FHIP2B: variants seen among roughly 807,000 people sequenced by gnomAD.
The protein encoded by FHIP2B is FHF complex subunit HOOK-interacting protein 2B.
In FHIP2B, 72 loss-of-function variants were observed where a neutral mutation model predicts 84.0. The ratio of observed to expected loss-of-function variants is 0.86; its 90% CI spans 0.71 to 1.04. FHIP2B has a LOEUF of 1.04. Among genes scored for constraint, FHIP2B ranks in the 50% least tolerant of loss-of-function variants. The pLI is 0.00. For missense variants in FHIP2B, 972 were observed against 968.9 expected, an observed-to-expected ratio of 1.00 and a Z score of -0.04; for synonymous variants, 497 against 418.7, an observed-to-expected ratio of 1.19 and a Z score of -2.28.
In FHIP2B at chr8:22,089,161, C is replaced by A. The variant is rs1825319199; in HGVS notation, c.-93C>A. 2.4e-6 allele frequency: 2 copies of A among 831,024 alleles called. No individual in the cohort carries two copies. The highest frequency in any genetic ancestry group is 5.5e-5 in the South Asian group (1 of 18,206). The allele number at this position is 831,024 out of a possible 1,614,324, so 51.5% of individuals were successfully genotyped here. A position where few individuals can be genotyped will look rare whatever the true frequency, so the allele number is the denominator to read the frequency against. On this transcript the variant is annotated 5_prime_UTR_variant, in exon 1 of 17. Transcript: ENST00000289921. ...AGCGGCCGGGCCCCGCCCCCCTCGT[C>A]GCGCCGGGGCCGCCGGGGCCACGGG...
chr8:22,100,782 C>T (rs1420580539), intron 11 of FHIP2B, 43 bp downstream of exon 11: 5 of 1,611,018 alleles, frequency 3.1e-6, no homozygotes, highest in East Asian at 2.2e-5. Flanking sequence ...CAGCCCTTAG[C>T]ACTCGCACGC....
Position 22,100,038 on chromosome 8 carries a change from A to G in FHIP2B, c.1341+145A>G, listed in dbSNP as rs1170807323. 3.9e-6 allele frequency: 3 copies of G among 778,192 alleles called. No individual in the cohort carries two copies. The African/African-American group carries it at 5.6e-5, about 14-fold the overall frequency. 48.2% of individuals were successfully genotyped at this position (778,192 alleles called of 1,614,324 possible). A position where few individuals can be genotyped will look rare whatever the true frequency, so the allele number is the denominator to read the frequency against. The stretch of plus-strand genomic sequence containing the variant: ...AAAACACTGCCGAGCCACTTTTATC[A>G]CACACTAATTTTCTATGATCATATA... On this transcript the variant is annotated intron_variant, in intron 10 of 16. Transcript: ENST00000289921.
intron 1 of FHIP2B, 77 bp from the exon 2 acceptor site, chr8:22,094,363 G>T: frequency 6.9e-7 from 1 of 1,443,196 alleles, no homozygotes. Context: ...CTGACACTCA[G>T]AATATCTGTT....
In FHIP2B at chr8:22,100,982, A is replaced by G; in HGVS notation, c.1616+10A>G. 1 of 1,613,342 alleles carries G rather than the reference A, an allele frequency of 6.2e-7. No individual in the cohort carries two copies. The highest frequency in any genetic ancestry group is 8.5e-7 in the Non-Finnish European group (1 of 1,179,672). On this transcript the variant is annotated intron_variant, in intron 12 of 16. Coordinates refer to ENST00000289921, the MANE Select transcript of FHIP2B (RefSeq NM_022749.7). ...CCGAGATCGTCAACAGGTGGGGAGCAAGTTAGGCAGTCTGAACCACTTGAG... is the reference window on the plus strand; with the variant it reads ...CCGAGATCGTCAACAGGTGGGGAGCGAGTTAGGCAGTCTGAACCACTTGAG...
At chr8:22,099,224 G>T in intron 8 of FHIP2B, 60 bp from the exon 9 acceptor site, 1 of 1,593,360 alleles carries the variant, frequency 6.3e-7, no homozygotes, top group South Asian at 1.1e-5. Flanking sequence ...CAAGAACACG[G>T]TTATTTCTCA....
intron 5 of FHIP2B, 54 bp downstream of exon 5, chr8:22,097,893 C>G (rs905507919): frequency 5.0e-5 from 80 of 1,592,880 alleles, no homozygotes; most frequent in Non-Finnish European, 6.7e-5. Flanking sequence ...CCAGGGCAAG[C>G]CCCCTCTGCC....
chr8:22,096,165 A>G, intron 2 of FHIP2B, 172 bp from the exon 3 acceptor site: 1 of 620,014 alleles, frequency 1.6e-6, no homozygotes, highest in African/African-American at 1.9e-5. Context: ...TTGTCTTCTT[A>G]AATATTGAAG....
At position 22,102,303 on chromosome 8, in the gene FHIP2B, C is replaced by T. The variant is rs1354682148; in HGVS notation, c.1980C>T (p.Ser660=). The stretch of plus-strand genomic sequence containing the variant: ...CCCCCGGCTGCAGGAGCCTATTCTC[C>T]GTGTTGGTGAGGGTGAGGACGCCTC... ...SLAPGCRSLF[S]VLVRVIGDLM... Residue 660 remains serine (S), a synonymous_variant, in exon 15 of 17, where the codon TCC becomes TCT. Transcript: ENST00000289921. 3.1e-6 allele frequency: 5 copies of T among 1,599,160 alleles called. No individual in the cohort carries two copies. The highest frequency in any genetic ancestry group is 4.6e-5 in the East Asian group (2 of 43,718).
intron 14 of FHIP2B, 44 bp downstream of exon 14, chr8:22,101,895 C>G: frequency 6.2e-7 from 1 of 1,600,720 alleles, no homozygotes; most frequent in Non-Finnish European, 8.5e-7. Context: ...GCTGGTGCCT[C>G]TGGGGTCCTT....
chr8:22,102,189 C>T lies in FHIP2B; in HGVS notation c.1866C>T (p.Asn622=), dbSNP rs1460917973. The T allele has an allele frequency of 2.5e-6, 4 of 1,613,452 alleles. No individual in the cohort carries two copies. The highest frequency in any genetic ancestry group is 2.7e-5 in the African/African-American group (2 of 74,924). Residue 622 remains asparagine, a synonymous_variant, in exon 15 of 17, where the codon AAC becomes AAT. Coordinates refer to ENST00000289921, the MANE Select transcript of FHIP2B (RefSeq NM_022749.7). Reference sequence around the variant, plus strand: ...TGTTCCTACAGCCATACAGCCTGAACCTGCAGGTGACCTCGGTCCTGTCCC... The same window carrying T: ...TGTTCCTACAGCCATACAGCCTGAATCTGCAGGTGACCTCGGTCCTGTCCC... ...SRILDQPYSL[N]LQVTSVLSRL...
At position 22,094,533 on chromosome 8, in the gene FHIP2B, TC is replaced by T; in HGVS notation, c.124+19del. The T allele has an allele frequency of 6.2e-7, 1 of 1,608,294 alleles. No individual in the cohort carries two copies. The highest frequency in any genetic ancestry group is 8.5e-7 in the Non-Finnish European group (1 of 1,177,784). Reference sequence around the variant, plus strand: ...CGAGAGCACAGGTGCGGCCTGGCCCTCCCCAGCCCAGGGACCCTGGAGGGAG... The same window carrying T: ...CGAGAGCACAGGTGCGGCCTGGCCCTCCCAGCCCAGGGACCCTGGAGGGAG... On this transcript the variant is annotated intron_variant, in intron 2 of 16. Coordinates refer to ENST00000289921, the MANE Select transcript of FHIP2B (RefSeq NM_022749.7).
In FHIP2B at chr8:22,098,161, G is replaced by C; in HGVS notation, c.619G>C (p.Asp207His). 1 of 1,575,980 alleles carries C rather than the reference G, an allele frequency of 6.3e-7. No individual in the cohort carries two copies. Among genetic ancestry groups the C allele is most frequent in the Non-Finnish European group, 8.6e-7 (1 of 1,161,272 alleles). The change falls in exon 6 of 17, where the codon GAT (aspartate) becomes CAT (histidine). Residue 207 changes from aspartate (D) to histidine (H), a missense_variant. By Grantham distance (81) the Asp-to-His change is moderately conservative. Transcript: ENST00000289921. The part of the protein sequence containing the change: ...TSHGDKDCSH[D>H]GAPARPQLDG... ...CCACGGGGACAAGGACTGCTCCCAC[G>C]ATGGTGCTCCTGCCAGGCCCCAGCT...
At chr8:22,094,903 C>T (rs1236032131) in intron 2 of FHIP2B, 5 of 1,069,148 alleles carry the variant, frequency 4.7e-6, no homozygotes, top group East Asian at 2.1e-4. Flanking sequence ...TTAATAAATT[C>T]CCCTTTCCCC....
chr8:22,098,157 C>G lies in FHIP2B; in HGVS notation c.615C>G (p.Ser205=). 1 of 1,576,084 alleles carries G rather than the reference C, an allele frequency of 6.3e-7. No individual in the cohort carries two copies. Among genetic ancestry groups the G allele is most frequent in the South Asian group, 1.2e-5 (1 of 86,106 alleles). ...CCAGCCACGGGGACAAGGACTGCTC[C>G]CACGATGGTGCTCCTGCCAGGCCCC... is the stretch of plus-strand genomic sequence containing the variant. The part of the protein sequence containing the change: ...DTTSHGDKDC[S]HDGAPARPQL... Residue 205 remains serine (S), a synonymous_variant, in exon 6 of 17, where the codon TCC becomes TCG. Coordinates refer to ENST00000289921, the MANE Select transcript of FHIP2B (RefSeq NM_022749.7).
In FHIP2B at chr8:22,089,312, G is replaced by A. The variant is rs952209296; in HGVS notation, c.45+14G>A. On this transcript the variant is annotated intron_variant, in intron 1 of 16. Coordinates refer to ENST00000289921, the MANE Select transcript of FHIP2B (RefSeq NM_022749.7). The stretch of plus-strand genomic sequence containing the variant: ...GCCGTGGGGGCGGTGAGGCCGGCAG[G>A]GCCGGGCCGGGCCGCCGGGAGTCGC... The A allele has an allele frequency of 9.9e-7, 1 of 1,008,984 alleles. No homozygotes were observed. Among genetic ancestry groups the A allele is most frequent in the African/African-American group, 1.7e-5 (1 of 57,242 alleles). The allele number at this position is 1,008,984 out of a possible 1,614,324, so 62.5% of individuals were successfully genotyped here.
In FHIP2B at chr8:22,102,324, G is replaced by T; in HGVS notation, c.1992+9G>T. On this transcript the variant is annotated intron_variant, in intron 15 of 16. Transcript: ENST00000289921. ...TCTCCGTGTTGGTGAGGGTGAGGAC[G>T]CCTCGGCCCAAGGGAGTGTGCCTAG... The T allele has an allele frequency of 6.2e-7, 1 of 1,610,874 alleles. No homozygotes were observed. The highest frequency in any genetic ancestry group is 1.1e-5 in the South Asian group (1 of 91,054).
At chr8:22,099,455 G>C in intron 9 of FHIP2B, 95 bp downstream of exon 9, 1 of 1,345,058 alleles carries the variant, frequency 7.4e-7, no homozygotes, top group Non-Finnish European at 1.0e-6. Context: ...ACACCTTCTT[G>C]ACCAGAATCC....
rs1825993439 is a variant in FHIP2B, at chr8:22,099,679, T to C, written c.1152-25T>C. The stretch of plus-strand genomic sequence containing the variant: ...ATGTGCTGTCTGCACACACCGGGCC[T>C]GGCTAAGGTGCCCTCTTCCCGTAGG... On this transcript the variant is annotated intron_variant, in intron 9 of 16. Transcript: ENST00000289921. The C allele has an allele frequency of 1.9e-6, 3 of 1,548,184 alleles. No individual in the cohort carries two copies. In the East Asian group the frequency reaches 6.8e-5, roughly 35 times the overall value.
chr8:22,100,179 T>A, intron 10 of FHIP2B: 1 of 434,186 alleles, frequency 2.3e-6, no homozygotes, highest in Non-Finnish European at 4.0e-6. Context: ...AGCGATCCTC[T>A]CACCTCAGCC....
Sources: gnomAD v4.1 joint callset for allele counts on GRCh38, gnomAD v4.1.1 for gene constraint, MANE v1.5 for transcripts, NCBI Gene and HGNC (gene_info 2026-07-23, HGNC 2026-07-21) for gene names.